PALS2: variants seen among roughly 807,000 people sequenced by gnomAD.
PALS2 encodes the protein protein PALS2.
A neutral mutation model predicts 61.6 loss-of-function variants in PALS2; 27 were observed. That is an observed-to-expected ratio of 0.44 (90% CI 0.32 to 0.60). PALS2 has a LOEUF of 0.60. Among genes scored for constraint, PALS2 ranks in the 20% least tolerant of loss-of-function variants. The pLI is 0.05. For synonymous variants in PALS2, 236 were observed against 218.6 expected (o/e 1.08, Z -0.70); for missense variants, 554 against 639.4 (o/e 0.87, Z 1.44).
Position 24,573,603 on chromosome 7 carries a change from C to T in PALS2, c.-3+10C>T, listed in dbSNP as rs1038836000. ...GCTGAGGTGCGAGCCGGTGAGTTAA[C>T]TGGACCCCCACGCCGCTCGGGTAAC... On this transcript the variant is annotated intron_variant, in intron 1 of 11. Coordinates refer to ENST00000222644, the MANE Select transcript of PALS2 (RefSeq NM_001303037.2). The surrounding 1 kb of genome is among the most constrained non-coding windows in gnomAD (Gnocchi z 5.3). 6.1e-5 allele frequency: 22 copies of T among 362,218 alleles called. No individual in the cohort carries two copies. The highest frequency in any genetic ancestry group is 8.4e-5 in the Non-Finnish European group (17 of 203,088). The allele number at this position is 362,218 out of a possible 1,614,324, so 22.4% of individuals were successfully genotyped here.
intron 2 of PALS2, among the ~76,000 whole-genome samples, chr7:24,632,190 G>A (rs1399818308): frequency 6.6e-6 from 1 of 152,178 alleles, no homozygotes; most frequent in African/African-American, 2.4e-5. Flanking sequence ...TTATCGTTAT[G>A]TAATGCCTCT....
In PALS2 at chr7:24,573,607, AC is replaced by A. The variant is rs920329200; in HGVS notation, c.-3+19del. 1.6e-4 allele frequency: 56 copies of A among 351,502 alleles called. No individual in the cohort carries two copies. Among genetic ancestry groups the A allele is most frequent in the African/African-American group, 8.2e-4 (37 of 44,862 alleles). The allele number at this position is 351,502 out of a possible 1,614,324, so 21.8% of individuals were successfully genotyped here. The stretch of plus-strand genomic sequence containing the variant: ...AGGTGCGAGCCGGTGAGTTAACTGG[AC>A]CCCCACGCCGCTCGGGTAACGGTCG... On this transcript the variant is annotated intron_variant, in intron 1 of 11. Coordinates refer to ENST00000222644, the MANE Select transcript of PALS2 (RefSeq NM_001303037.2). The surrounding 1 kb of genome is among the most constrained non-coding windows in gnomAD (Gnocchi z 5.3).
At chr7:24,634,208 C>T (rs113814033) in intron 2 of PALS2, among the ~76,000 whole-genome samples, 5 of 152,192 alleles carry the variant, frequency 3.3e-5, no homozygotes, top group African/African-American at 1.2e-4. Flanking sequence ...CCTTTTGAAG[C>T]ACAGAAGTTT....
intron 2 of PALS2, among the ~76,000 whole-genome samples, chr7:24,639,019 G>A (rs2128069092): frequency 6.6e-6 from 1 of 152,270 alleles, no homozygotes; most frequent in East Asian, 1.9e-4. Context: ...AAAGTCAAAG[G>A]GACGAGTGGT....
At chr7:24,648,395 C>T (rs889803498) in intron 3 of PALS2, among the ~76,000 whole-genome samples, 47 of 149,682 alleles carry the variant, frequency 3.1e-4, no homozygotes, top group African/African-American at 1.1e-3. Context: ...CGGGTTCAAG[C>T]AGTTCTCCTG....
Position 24,687,912 on chromosome 7 carries a change from T to A in PALS2, c.*298T>A. 2 of 201,752 alleles carry A rather than the reference T, an allele frequency of 9.9e-6. No individual in the cohort carries two copies. The highest frequency in any genetic ancestry group is 2.0e-5 in the Non-Finnish European group (2 of 101,658). 12.5% of individuals were successfully genotyped at this position (201,752 alleles called of 1,614,324 possible). On this transcript the variant is annotated 3_prime_UTR_variant, in exon 12 of 12. Coordinates refer to ENST00000222644, the MANE Select transcript of PALS2 (RefSeq NM_001303037.2). This position sits in a 1 kb window ranked among gnomAD's most constrained non-coding sequence, Gnocchi z 4.5. ...TATGTTTTGATTTAGTACCCTTGCC[T>A]TTTTCATCAAAGGAATTTTCAAATC...
rs895025177 is a variant in PALS2 at position 24,573,663 on chromosome 7, C to G, written c.-3+70C>G. On this transcript the variant is annotated intron_variant, in intron 1 of 11. Coordinates refer to ENST00000222644, the MANE Select transcript of PALS2 (RefSeq NM_001303037.2). The surrounding 1 kb of genome is among the most constrained non-coding windows in gnomAD (Gnocchi z 5.3). ...GCGCGCCGGGCCGGCCGGGGGCGCC[C>G]TGTTGCTCGGCGCGGCGCGCCACGC... 6 of 236,428 alleles carry G rather than the reference C, an allele frequency of 2.5e-5. No individual in the cohort carries two copies. The Admixed American group carries it at 3.4e-4, about 14-fold the overall frequency. The allele number at this position is 236,428 out of a possible 1,614,324, so 14.6% of individuals were successfully genotyped here. A position where few individuals can be genotyped will look rare whatever the true frequency, so the allele number is the denominator to read the frequency against.
intron 9 of PALS2, among the ~76,000 whole-genome samples, chr7:24,678,501 A>G (rs191687558): frequency 2.0e-5 from 3 of 152,314 alleles, no homozygotes; most frequent in Non-Finnish European, 2.9e-5. Flanking sequence ...AAGATAAAAG[A>G]TAGATAATTT....
At chr7:24,628,619 T>G (rs1784854089) in intron 2 of PALS2, among the ~76,000 whole-genome samples, 1 of 152,176 alleles carries the variant, frequency 6.6e-6, no homozygotes, top group African/African-American at 2.4e-5. Flanking sequence ...CAAAAGCTCC[T>G]TAAGCTGATA....
rs575813861 is a variant in PALS2, at chr7:24,688,252, C to A, written c.*638C>A. ...ATTAGTTTTGTCTCTTCATTTCTATCTTTACTGAAAAATTGAAGAGCAATA... is the reference window on the plus strand; with the variant it reads ...ATTAGTTTTGTCTCTTCATTTCTATATTTACTGAAAAATTGAAGAGCAATA... On this transcript the variant is annotated 3_prime_UTR_variant, in exon 12 of 12. Transcript: ENST00000222644. 16 of 152,248 alleles carry A rather than the reference C, an allele frequency of 1.1e-4. No homozygotes were observed. Among genetic ancestry groups the A allele is most frequent in the Middle Eastern group, 3.4e-3 (1 of 292 alleles). 9.4% of individuals were successfully genotyped at this position (152,248 alleles called of 1,614,324 possible). A position where few individuals can be genotyped will look rare whatever the true frequency, so the allele number is the denominator to read the frequency against.
At chr7:24,630,334 T>C (rs1355556759) in intron 2 of PALS2, among the ~76,000 whole-genome samples, 1 of 151,576 alleles carries the variant, frequency 6.6e-6, no homozygotes, top group Non-Finnish European at 1.5e-5. Context: ...CTGTCGGGGG[T>C]TTGGGAGGCA....
chr7:24,575,685 A>G (rs990180824), intron 1 of PALS2, among the ~76,000 whole-genome samples: 3 of 152,234 alleles, frequency 2.0e-5, no homozygotes, highest in African/African-American at 7.2e-5. Context: ...TATTTTTGAC[A>G]TCTGAGCTTT....
At chr7:24,659,083 T>TA (rs1292243422) in intron 5 of PALS2, among the ~76,000 whole-genome samples, 2 of 152,190 alleles carry the variant, frequency 1.3e-5, no homozygotes, top group Non-Finnish European at 2.9e-5. Context: ...AGCACCCACT[T>TA]ACAAGTGAGA....
chr7:24,639,673 C>CTT lies in PALS2; in HGVS notation c.118-2032_118-2031dup, dbSNP rs771109602. The stretch of plus-strand genomic sequence containing the variant: ...GTTAACTAATTCTGTAGATTATTTT[C>CTT]TTTTTTTTTTTTCCAATGGTGATAG... On this transcript the variant is annotated intron_variant, in intron 2 of 11. Coordinates refer to ENST00000222644, the MANE Select transcript of PALS2 (RefSeq NM_001303037.2). Among the ~76,000 whole-genome samples, 70 of 143,142 alleles carry CTT rather than the reference C, an allele frequency of 4.9e-4. 1 individual carries two copies. Among genetic ancestry groups the CTT allele is most frequent in the Middle Eastern group, 3.7e-3 (1 of 272 alleles). The allele number at this position is 143,142 out of a possible 152,430, so 93.9% of individuals were successfully genotyped here. A position where few individuals can be genotyped will look rare whatever the true frequency, so the allele number is the denominator to read the frequency against.
intron 6 of PALS2, among the ~76,000 whole-genome samples, chr7:24,665,123 T>A (rs1030875807): frequency 1.1e-4 from 17 of 152,210 alleles, no homozygotes; most frequent in Admixed American, 1.1e-3. Context: ...ACTCTTGGGA[T>A]ATTCAGACTC....
intron 1 of PALS2, among the ~76,000 whole-genome samples, chr7:24,614,703 C>G (rs1784230934): frequency 6.6e-6 from 1 of 151,874 alleles, no homozygotes; most frequent in South Asian, 2.1e-4. Flanking sequence ...CAACGAGATA[C>G]CAGATTTAAA....
chr7:24,576,289 TC>T (rs772179870), intron 1 of PALS2, among the ~76,000 whole-genome samples: 4 of 152,220 alleles, frequency 2.6e-5, no homozygotes, highest in Admixed American at 6.5e-5. Flanking sequence ...GTCTTCCTGT[TC>T]AGTCTCACAG....
intron 2 of PALS2, among the ~76,000 whole-genome samples, chr7:24,632,423 C>T (rs1012771434): frequency 5.3e-5 from 8 of 152,006 alleles, no homozygotes; most frequent in African/African-American, 1.7e-4. Flanking sequence ...TATTTTTAGA[C>T]GGAGTCTTGC....
intron 9 of PALS2, among the ~76,000 whole-genome samples, chr7:24,677,388 G>C (rs981726859): frequency 4.0e-5 from 6 of 151,834 alleles, no homozygotes; most frequent in Non-Finnish European, 5.9e-5. Flanking sequence ...AATTGCCCTG[G>C]CCAGAACTTC....
Sources: allele counts gnomAD v4.1 joint callset (sites outside exome capture counted in the v4.1 genomes callset), GRCh38; gene constraint gnomAD v4.1.1; non-coding constraint Gnocchi (gnomAD v3.1); transcripts MANE v1.5; gene names NCBI Gene and HGNC (gene_info 2026-07-23, HGNC 2026-07-21).